Variants in LIPC observed in about 807,000 individuals in gnomAD.
LIPC encodes lipase C, hepatic type.
A neutral mutation model predicts 50.7 loss-of-function variants in LIPC; 44 were observed. The observed-to-expected ratio is 0.87, with a 90% confidence interval of 0.68 to 1.11. The LOEUF (loss-of-function observed/expected upper bound fraction) is 1.11, where lower values mean the gene tolerates loss of function less well. Ranked by LOEUF, LIPC falls within the 50% of genes most tolerant of loss-of-function variation. The pLI is 0.00. For synonymous variants in LIPC, 271 were observed against 256.4 expected (o/e 1.06, Z -0.54); for missense variants, 697 against 648.2 (o/e 1.08, Z -0.82).
chr15:58,510,422 T>A (rs1892293008), intron 1 of LIPC, among the ~76,000 whole-genome samples: 1 of 152,206 alleles, frequency 6.6e-6, no homozygotes, highest in Admixed American at 6.5e-5. Flanking sequence ...TATTTGCACA[T>A]AAAAAGGCAC....
At chr15:58,490,001 G>GA (rs142082161) in intron 1 of LIPC, among the ~76,000 whole-genome samples, 16,956 of 151,566 alleles carry the variant, frequency 0.11, 1,112 homozygotes, top group Non-Finnish European at 0.16. Flanking sequence ...AATACTGTGG[G>GA]GAAAAGAAAA....
intron 1 of LIPC, among the ~76,000 whole-genome samples, chr15:58,486,975 C>T (rs527472268): frequency 1.3e-5 from 2 of 152,094 alleles, no homozygotes; most frequent in African/African-American, 2.4e-5. Context: ...GGGTGTGAGG[C>T]GGGACAACGG....
intron 1 of LIPC, chr15:58,436,569 T>C (rs571491317): frequency 3.3e-6 from 1 of 298,894 alleles, no homozygotes; most frequent in East Asian, 8.5e-5. Context: ...TTTACATAAA[T>C]ATGACTGAAA....
At chr15:58,498,885 T>C (rs1891871230) in intron 1 of LIPC, 2 of 152,262 alleles carry the variant, frequency 1.3e-5, no homozygotes, top group East Asian at 1.9e-4. Flanking sequence ...TGTGCGTGCT[T>C]GGAAGAGATA....
chr15:58,438,726 T>A (rs1459204273), intron 1 of LIPC, among the ~76,000 whole-genome samples: 1 of 152,206 alleles, frequency 6.6e-6, no homozygotes, highest in Non-Finnish European at 1.5e-5. Flanking sequence ...TTCCTAAACA[T>A]GGTCACAAAG....
At chr15:58,538,624 C>CCT in intron 2 of LIPC, 107 bp downstream of exon 2, 1 of 1,081,364 alleles carries the variant, frequency 9.2e-7, no homozygotes, top group Non-Finnish European at 1.4e-6. Flanking sequence ...ATAACAACTC[C>CCT]ATGCATAATG....
chr15:58,497,165 G>T (rs1007059373), intron 1 of LIPC, among the ~76,000 whole-genome samples: 4 of 152,214 alleles, frequency 2.6e-5, no homozygotes, highest in African/African-American at 9.6e-5. Flanking sequence ...CCACGAAGAA[G>T]GCTGGCCTGA....
chr15:58,478,649 C>A (rs1012544796), intron 1 of LIPC, among the ~76,000 whole-genome samples: 14 of 152,212 alleles, frequency 9.2e-5, no homozygotes, highest in Admixed American at 5.9e-4. Context: ...ATGCAAGTTA[C>A]CCAAGGTCAT....
chr15:58,567,265 A>AT (rs1555408078), intron 8 of LIPC, among the ~76,000 whole-genome samples: 2 of 118,544 alleles, frequency 1.7e-5, no homozygotes, highest in African/African-American at 6.3e-5. Flanking sequence ...ATATATGTAT[A>AT]TGTGTGTGTG....
Position 58,538,354 on chromosome 15 carries a change from A to G in LIPC, c.110A>G (p.Gln37Arg), listed in dbSNP as rs751084110. The G allele has an allele frequency of 1.2e-6, 2 of 1,614,222 alleles. No homozygotes were observed. ...LKPEPFGRRA[Q>R]AVETNKTLHE... ...GCAGAGCCATTTGGAAGAAGAGCTC[A>G]AGCTGTTGAAACAAACAAAACGCTG... is the stretch of plus-strand genomic sequence containing the variant. Residue 37 changes from glutamine (Q) to arginine (R), a missense_variant, in exon 2 of 9, where the codon CAA becomes CGA. Coordinates refer to ENST00000299022, the MANE Select transcript of LIPC (RefSeq NM_000236.3).
intron 1 of LIPC, among the ~76,000 whole-genome samples, chr15:58,464,976 A>C (rs886719161): frequency 6.6e-6 from 1 of 152,158 alleles, no homozygotes; most frequent in Admixed American, 6.5e-5. Flanking sequence ...CTGTCTCAAA[A>C]ATGGGGAGCG....
intron 6 of LIPC, among the ~76,000 whole-genome samples, chr15:58,555,801 G>A (rs1267416604): frequency 6.6e-6 from 1 of 152,236 alleles, no homozygotes; most frequent in African/African-American, 2.4e-5. Flanking sequence ...GAGCCATGGA[G>A]GAGGGGCTGC....
intron 1 of LIPC, among the ~76,000 whole-genome samples, chr15:58,489,384 C>G (rs1462840094): frequency 6.6e-6 from 1 of 152,112 alleles, no homozygotes; most frequent in East Asian, 1.9e-4. Context: ...ACGCAGAAGA[C>G]AGTTATTACT....
intron 1 of LIPC, among the ~76,000 whole-genome samples, chr15:58,528,831 A>T (rs1481017702): frequency 1.3e-5 from 2 of 152,228 alleles, no homozygotes; most frequent in African/African-American, 4.8e-5. Context: ...ATCTTCTGGC[A>T]GCTGACCTGG....
chr15:58,548,477 G>T lies in LIPC; in HGVS notation c.956G>T (p.Gly319Val). The change falls in exon 6 of 9, where the codon GGC (glycine) becomes GTC (valine). Residue 319 changes from glycine (G) to valine (V), a missense_variant. By Grantham distance (109) the Gly-to-Val change is moderately radical. Coordinates refer to ENST00000299022, the MANE Select transcript of LIPC (RefSeq NM_000236.3). ...SQGLCLSCKK[G>V]RCNTLGYHVR... ...GGCCTGTGCCTGAGCTGCAAGAAGGGCCGCTGCAACACGCTGGGCTACCAC... is the reference window on the plus strand; with the variant it reads ...GGCCTGTGCCTGAGCTGCAAGAAGGTCCGCTGCAACACGCTGGGCTACCAC... 5.6e-6 allele frequency: 9 copies of T among 1,612,098 alleles called. No individual in the cohort carries two copies. Among genetic ancestry groups the T allele is most frequent in the Non-Finnish European group, 7.6e-6 (9 of 1,179,108 alleles).
At position 58,518,588 on chromosome 15, in the gene LIPC, T is replaced by G. The variant is rs183935061; in HGVS notation, c.89-19745T>G. Among the ~76,000 whole-genome samples the G allele has an allele frequency of 1.9e-3, 288 of 152,288 alleles. 1 individual carries two copies. Among genetic ancestry groups the G allele is most frequent in the African/African-American group, 6.5e-3 (271 of 41,554 alleles). ...CCAATCCACTTTCCAAGGAAACATT[T>G]CTGGAAGGCAACACGGAATTAGTTA... On this transcript the variant is annotated intron_variant, in intron 1 of 8. Transcript: ENST00000299022.
intron 1 of LIPC, among the ~76,000 whole-genome samples, chr15:58,446,994 A>C (rs1893718312): frequency 6.6e-6 from 1 of 151,824 alleles, no homozygotes. Context: ...CTAAAGATAC[A>C]AAAGTTAGCC....
Position 58,440,269 on chromosome 15 carries a change from G to A in LIPC, c.88+8149G>A, listed in dbSNP as rs12594375. Among the ~76,000 whole-genome samples the A allele has an allele frequency of 0.067, 10,251 of 152,106 alleles. 836 individuals are homozygous for A. Among genetic ancestry groups the A allele is most frequent in the East Asian group, 0.26 (1,351 of 5,164 alleles). On this transcript the variant is annotated intron_variant, in intron 1 of 8. Transcript: ENST00000299022. ...CTTGGCAGGCCTGAAAATATGATCA[G>A]GAAAATTCTTTTCCTATGAGTGAGG...
chr15:58,503,109 A>G (rs944405108), intron 1 of LIPC, among the ~76,000 whole-genome samples: 45 of 152,202 alleles, frequency 3.0e-4, no homozygotes, highest in Non-Finnish European at 7.3e-5. Context: ...TGGACAATAA[A>G]TGATTATTAT....
Sources: allele counts gnomAD v4.1 joint callset (sites outside exome capture counted in the v4.1 genomes callset), GRCh38; gene constraint gnomAD v4.1.1; transcripts MANE v1.5; gene names NCBI Gene and HGNC (gene_info 2026-07-23, HGNC 2026-07-21).